The following THSD7A variants were observed in gnomAD, a reference collection of about 807,000 sequenced individuals.
THSD7A encodes thrombospondin type 1 domain containing 7A.
Under a neutral mutation model 231.3 loss-of-function variants are expected in THSD7A, and 96 were observed. The ratio of observed to expected loss-of-function variants is 0.41; its 90% CI spans 0.35 to 0.49. The LOEUF (loss-of-function observed/expected upper bound fraction) is 0.49. THSD7A is among the 20% of genes least tolerant of loss of function. The pLI is 0.05. For missense variants in THSD7A, 2,290 were observed against 2,070.2 expected, an observed-to-expected ratio of 1.11 and a Z score of -2.06; for synonymous variants, 940 against 743.3, an observed-to-expected ratio of 1.26 and a Z score of -4.30.
At chr7:11,594,590 C>T (rs905330559) in intron 2 of THSD7A, among the ~76,000 whole-genome samples, 1 of 152,068 alleles carries the variant, frequency 6.6e-6, no homozygotes, top group African/African-American at 2.4e-5. Context: ...CTATATATAA[C>T]ACCTTTGACC....
chr7:11,806,282 A>C (rs1183032114), intron 1 of THSD7A, among the ~76,000 whole-genome samples: 1 of 152,200 alleles, frequency 6.6e-6, no homozygotes, highest in East Asian at 1.9e-4. Context: ...ATGCAATTAA[A>C]TTCCACATAC....
intron 1 of THSD7A, among the ~76,000 whole-genome samples, chr7:11,703,389 T>C (rs1780666689): frequency 6.6e-6 from 1 of 151,252 alleles, no homozygotes; most frequent in African/African-American, 2.4e-5. Flanking sequence ...TCAGAGATTT[T>C]ATTTCAGATC....
intron 4 of THSD7A, among the ~76,000 whole-genome samples, chr7:11,586,123 G>T (rs1779891247): frequency 6.6e-6 from 1 of 152,086 alleles, no homozygotes; most frequent in African/African-American, 2.4e-5. Context: ...GGTATGCTTA[G>T]AAATACAATA....
Position 11,406,089 on chromosome 7 carries a change from G to C in THSD7A, c.4237+211C>G, listed in dbSNP as rs1028246582. ...GTTAAAACTCCAGAGGGTGTTGAGAGGCCACATGGGAGACCTGGACTTCAA... is the reference window on the plus strand; with the variant it reads ...GTTAAAACTCCAGAGGGTGTTGAGACGCCACATGGGAGACCTGGACTTCAA... On this transcript the variant is annotated intron_variant, in intron 22 of 27. Coordinates refer to ENST00000423059, the MANE Select transcript of THSD7A (RefSeq NM_015204.3). The surrounding 1 kb of genome is among the most constrained non-coding windows in gnomAD (Gnocchi z 4.7). Among the ~76,000 whole-genome samples the C allele has an allele frequency of 1.3e-5, 2 of 152,152 alleles. No homozygotes were observed. The highest frequency in any genetic ancestry group is 4.8e-5 in the African/African-American group (2 of 41,426).
chr7:11,476,133 A>G (rs528314994), intron 7 of THSD7A, among the ~76,000 whole-genome samples: 18 of 152,168 alleles, frequency 1.2e-4, no homozygotes, highest in Middle Eastern at 6.9e-3. Context: ...TTCAAATTCA[A>G]CTATTTATAT....
chr7:11,564,202 T>C (rs1026559257), intron 4 of THSD7A, among the ~76,000 whole-genome samples: 1 of 152,198 alleles, frequency 6.6e-6, no homozygotes, highest in African/African-American at 2.4e-5. Context: ...TGAAGAGCAT[T>C]CCTTTTTCTT....
At chr7:11,602,310 A>G (rs118099344) in intron 2 of THSD7A, among the ~76,000 whole-genome samples, 15 of 152,142 alleles carry the variant, frequency 9.9e-5, no homozygotes, top group Non-Finnish European at 2.1e-4. Flanking sequence ...GTGTGTGTGT[A>G]TGTGTATATA....
At chr7:11,670,376 G>A (rs1268604044) in intron 1 of THSD7A, among the ~76,000 whole-genome samples, 1 of 152,208 alleles carries the variant, frequency 6.6e-6, no homozygotes, top group African/African-American at 2.4e-5. Flanking sequence ...CTGTGTAATG[G>A]AAGAATGATC....
chr7:11,667,677 A>G (rs548709574), intron 1 of THSD7A, among the ~76,000 whole-genome samples: 8 of 152,314 alleles, frequency 5.3e-5, no homozygotes, highest in African/African-American at 1.9e-4. Context: ...ATGCCGATAC[A>G]TGTTAATGGC....
At chr7:11,504,147 A>G (rs548780131) in intron 6 of THSD7A, among the ~76,000 whole-genome samples, 1 of 152,338 alleles carries the variant, frequency 6.6e-6, no homozygotes, top group South Asian at 2.1e-4. Context: ...GAACGAGATC[A>G]TGTCTCTTGT....
intron 15 of THSD7A, 88 bp downstream of exon 15, chr7:11,426,578 A>G (rs1217017320): frequency 7.3e-7 from 1 of 1,361,860 alleles, no homozygotes; most frequent in Non-Finnish European, 9.8e-7. Flanking sequence ...ATAAAAGACA[A>G]AGCAAGAAGA....
intron 1 of THSD7A, among the ~76,000 whole-genome samples, chr7:11,724,881 T>C (rs550512142): frequency 6.6e-6 from 1 of 152,028 alleles, no homozygotes; most frequent in East Asian, 2.0e-4. Flanking sequence ...AAGTAAATGC[T>C]GCTGAGGAGT....
intron 23 of THSD7A, among the ~76,000 whole-genome samples, chr7:11,396,068 G>A (rs879811193): frequency 6.6e-6 from 1 of 151,958 alleles, no homozygotes; most frequent in African/African-American, 2.4e-5. Flanking sequence ...AACTAAAGCA[G>A]AAATAAGTAA....
intron 1 of THSD7A, among the ~76,000 whole-genome samples, chr7:11,828,009 C>A (rs939732456): frequency 2.0e-5 from 3 of 152,180 alleles, no homozygotes; most frequent in Non-Finnish European, 4.4e-5. Context: ...CTTCTACTCA[C>A]TCTTCACTAT....
chr7:11,603,794 C>A (rs1455118560), intron 2 of THSD7A, among the ~76,000 whole-genome samples: 2 of 148,944 alleles, frequency 1.3e-5, no homozygotes, highest in Non-Finnish European at 3.0e-5. Context: ...AACCAAACAC[C>A]GCATATTCTC....
intron 4 of THSD7A, among the ~76,000 whole-genome samples, chr7:11,559,514 T>A (rs1338532705): frequency 6.7e-6 from 1 of 149,638 alleles, no homozygotes; most frequent in African/African-American, 2.5e-5. Flanking sequence ...TACATATATA[T>A]AAATCCATAT....
chr7:11,707,776 T>C lies in THSD7A; in HGVS notation c.191-70815A>G, dbSNP rs1031260854. Among the ~76,000 whole-genome samples, 4 of 151,050 alleles carry C rather than the reference T, an allele frequency of 2.6e-5. No individual in the cohort carries two copies. The South Asian group carries it at 8.3e-4, about 31-fold the overall frequency. ...GCATCCTTCAATGCTTATGTGATAT[T>C]CCTTTGAAATTCATTCAGCTTGAGC... On this transcript the variant is annotated intron_variant, in intron 1 of 27. Transcript: ENST00000423059.
In THSD7A at chr7:11,424,765, C is replaced by G. The variant is rs1784263236; in HGVS notation, c.3314G>C (p.Ser1105Thr). The change falls in exon 16 of 28, where the codon AGC becomes ACC. Residue 1105 changes from serine (S) to threonine (T), a missense_variant. Coordinates refer to ENST00000423059, the MANE Select transcript of THSD7A (RefSeq NM_015204.3). ...ATTCACAAAGGTCACCTTGCAGATG[C>G]TCCAGGGCTCTGTGACCCATAGGTA... ...NQYLWVTEPWSICKVTFVNMR... is the reference protein window; with the variant it reads ...NQYLWVTEPWTICKVTFVNMR... 1 of 1,614,004 alleles carries G rather than the reference C, an allele frequency of 6.2e-7. No homozygotes were observed. The highest frequency in any genetic ancestry group is 1.3e-5 in the African/African-American group (1 of 75,042).
At chr7:11,820,492 T>A in intron 1 of THSD7A, 1 of 989,794 alleles carries the variant, frequency 1.0e-6, no homozygotes, top group Non-Finnish European at 1.5e-6. Context: ...AAGTAATACT[T>A]CTTGCTTTTG....
Sources: gnomAD v4.1 joint callset for allele counts (sites outside exome capture counted in the v4.1 genomes callset) on GRCh38, gnomAD v4.1.1 for gene constraint, Gnocchi (gnomAD v3.1) non-coding constraint, MANE v1.5 for transcripts, NCBI Gene and HGNC (gene_info 2026-07-23, HGNC 2026-07-21) for gene names.